The following CETP variants were observed in gnomAD, a reference collection of about 807,000 sequenced individuals.
CETP encodes BPI fold containing family F.
Under a neutral mutation model 66.5 loss-of-function variants are expected in CETP, and 56 were observed. That is an observed-to-expected ratio of 0.84 (90% confidence interval 0.68 to 1.05). The LOEUF (loss-of-function observed/expected upper bound fraction) is 1.05, where lower values mean the gene tolerates loss of function less well. Ranked by LOEUF, CETP falls within the 50% of genes least tolerant of loss-of-function variation. The pLI, the probability that CETP is intolerant of heterozygous loss-of-function variation, is 0.00. For missense variants in CETP, 612 were observed against 609.6 expected, an observed-to-expected ratio of 1.00 and a Z score of -0.04; for synonymous variants, 251 against 245.7, an observed-to-expected ratio of 1.02 and a Z score of -0.20.
intron 2 of CETP, among the ~76,000 whole-genome samples, chr16:56,968,741 T>G (rs1225267475): frequency 1.3e-5 from 2 of 151,950 alleles, no homozygotes; most frequent in African/African-American, 4.8e-5. Context: ...TTTTTTTTTT[T>G]TTTGCCAGTC....
chr16:56,962,228 G>A, intron 1 of CETP, 131 bp downstream of exon 1: 1 of 817,110 alleles, frequency 1.2e-6, no homozygotes, highest in East Asian at 2.4e-5. Context: ...GAGTGCCCTG[G>A]GAGGGAGATG....
At chr16:56,980,932 A>AG (rs1477157782) in intron 11 of CETP, among the ~76,000 whole-genome samples, 4 of 152,226 alleles carry the variant, frequency 2.6e-5, no homozygotes, top group Non-Finnish European at 5.9e-5. Context: ...AAACAAAAAA[A>AG]GAAAAGAAAA....
At chr16:56,974,999 G>C in intron 9 of CETP, 102 bp from the exon 10 acceptor site, 5 of 988,042 alleles carry the variant, frequency 5.1e-6, no homozygotes, top group Non-Finnish European at 8.2e-6. Context: ...TTGCGTCTGA[G>C]GAGGGGTCCA....
intron 9 of CETP, among the ~76,000 whole-genome samples, chr16:56,974,332 C>T (rs2056134758): frequency 6.6e-6 from 1 of 152,086 alleles, no homozygotes; most frequent in Non-Finnish European, 1.5e-5. Context: ...ACCTATAGTC[C>T]CAACTACTCA....
Position 56,981,820 on chromosome 16 carries a change from T to C in CETP, c.1248+140T>C, listed in dbSNP as rs991772657. On this transcript the variant is annotated intron_variant, in intron 13 of 15. Coordinates refer to ENST00000200676, the MANE Select transcript of CETP (RefSeq NM_000078.3). Reference sequence around the variant, plus strand: ...CAGGTGGTCCATGCTGTGTCTCTTGTGACCCTTCTTCTCCCTGCCATGTCT... The same window carrying C: ...CAGGTGGTCCATGCTGTGTCTCTTGCGACCCTTCTTCTCCCTGCCATGTCT... 21 of 828,688 alleles carry C rather than the reference T, an allele frequency of 2.5e-5. No homozygotes were observed. The African/African-American group carries it at 3.1e-4, about 12-fold the overall frequency. The allele number at this position is 828,688 out of a possible 1,614,324, so 51.3% of individuals were successfully genotyped here.
At chr16:56,963,871 G>A (rs1286135586) in intron 2 of CETP, among the ~76,000 whole-genome samples, 1 of 152,080 alleles carries the variant, frequency 6.6e-6, no homozygotes, top group African/African-American at 2.4e-5. Context: ...GTTTCATCAT[G>A]TTGGCCAGAC....
Position 56,969,546 on chromosome 16 carries a change from C to T in CETP, c.368+26C>T, listed in dbSNP as rs560845897. 38 of 1,614,246 alleles carry T rather than the reference C, an allele frequency of 2.4e-5. No homozygotes were observed. The South Asian group carries it at 4.0e-4, about 17-fold the overall frequency. ...GTAAGCATTCCTGTCAGCTGATGCC[C>T]CATGCCCTGGCCCTCTCTGGGCTGG... On this transcript the variant is annotated intron_variant, in intron 3 of 15. Coordinates refer to ENST00000200676, the MANE Select transcript of CETP (RefSeq NM_000078.3).
rs2056141390 is a variant in CETP at position 56,975,230 on chromosome 16, C to G, written c.981+79C>G. Reference sequence around the variant, plus strand: ...CTGGCTTCAAGAGCCCCCACACAGCCAATAACACCACCAATGGCAACAATT... The same window carrying G: ...CTGGCTTCAAGAGCCCCCACACAGCGAATAACACCACCAATGGCAACAATT... On this transcript the variant is annotated intron_variant, in intron 10 of 15. Transcript: ENST00000200676. 2.5e-6 allele frequency: 3 copies of G among 1,204,196 alleles called. No individual in the cohort carries two copies. In the South Asian group the frequency reaches 3.6e-5, roughly 15 times the overall value. The allele number at this position is 1,204,196 out of a possible 1,614,324, so 74.6% of individuals were successfully genotyped here. A position where few individuals can be genotyped will look rare whatever the true frequency, so the allele number is the denominator to read the frequency against.
chr16:56,963,269 T>C (rs2056038900), intron 2 of CETP, 145 bp downstream of exon 2: 2 of 687,672 alleles, frequency 2.9e-6, no homozygotes, highest in Non-Finnish European at 5.2e-6. Flanking sequence ...GCCTGACACC[T>C]TCCCTACCCC....
At chr16:56,978,362 C>T (rs1689648862) in intron 11 of CETP, 107 bp downstream of exon 11, 4 of 1,316,280 alleles carry the variant, frequency 3.0e-6, no homozygotes, top group Non-Finnish European at 4.3e-6. Flanking sequence ...CTTCTCACCA[C>T]CTCTGCTGGC....
intron 5 of CETP, among the ~76,000 whole-genome samples, chr16:56,970,560 G>C (rs1318788186): frequency 6.6e-6 from 1 of 152,174 alleles, no homozygotes; most frequent in Non-Finnish European, 1.5e-5. Flanking sequence ...TCCCAGGGTG[G>C]GGCTTTTTGT....
At chr16:56,972,806 C>T (rs141296072) in intron 8 of CETP, among the ~76,000 whole-genome samples, 1 of 152,350 alleles carries the variant, frequency 6.6e-6, no homozygotes, top group East Asian at 1.9e-4. Flanking sequence ...AGGGCGGACC[C>T]AGCCATCTTT....
intron 1 of CETP, 162 bp downstream of exon 1, chr16:56,962,259 A>T: frequency 1.3e-6 from 1 of 752,516 alleles, no homozygotes; most frequent in South Asian, 1.4e-5. Context: ...AGCTGTCATC[A>T]CCCCCTCCTG....
At chr16:56,968,979 A>G (rs2056087826) in intron 2 of CETP, among the ~76,000 whole-genome samples, 1 of 151,748 alleles carries the variant, frequency 6.6e-6, no homozygotes. Context: ...GCATTTCTAG[A>G]TATAAATCTC....
Position 56,975,167 on chromosome 16 carries a change from C to A in CETP, c.981+16C>A, listed in dbSNP as rs771897327. ...CTTCCAAGAGGTAACTGCCCCCTGC[C>A]CCTGTGTGGGGTTTATCTCACGTAC... On this transcript the variant is annotated intron_variant, in intron 10 of 15. Coordinates refer to ENST00000200676, the MANE Select transcript of CETP (RefSeq NM_000078.3). 6.2e-7 allele frequency: 1 copy of A among 1,613,448 alleles called. No individual in the cohort carries two copies. The highest frequency in any genetic ancestry group is 1.1e-5 in the South Asian group (1 of 91,070).
chr16:56,969,787 G>A, intron 4 of CETP, 106 bp downstream of exon 4: 1 of 1,547,964 alleles, frequency 6.5e-7, no homozygotes, highest in South Asian at 1.1e-5. Flanking sequence ...ACCAAAGGAG[G>A]CCCAGCCTGG....
chr16:56,962,029 C>T lies in CETP; in HGVS notation c.50C>T (p.Ala17Val). ...LTLALLGNAH[A>V]CSKGTSHEAG... is the part of the protein sequence containing the mutation. ...CTGGCCCTGCTGGGCAATGCCCATG[C>T]CTGCTCCAAAGGCACCTCGCACGAG... Residue 17 changes from alanine to valine, a missense_variant, in exon 1 of 16, where the codon GCC (alanine) becomes GTC (valine). By Grantham distance (64) the Ala-to-Val change is moderately conservative. Transcript: ENST00000200676. 6.2e-7 allele frequency: 1 copy of T among 1,614,134 alleles called. No individual in the cohort carries two copies. The highest frequency in any genetic ancestry group is 1.1e-5 in the South Asian group (1 of 91,086).
At chr16:56,973,928 C>T (rs1474400706) in intron 9 of CETP, among the ~76,000 whole-genome samples, 9 of 152,234 alleles carry the variant, frequency 5.9e-5, no homozygotes, top group Non-Finnish European at 1.2e-4. Flanking sequence ...CTGCATGCAC[C>T]GGTAATCAGA....
chr16:56,974,857 G>A lies in CETP; in HGVS notation c.931-244G>A, dbSNP rs552153476. ...GGAAACTGAGGCCCACAGAGGGGAAGAGACTTGTGCGAGGTCACACAGCAT... is the reference window on the plus strand; with the variant it reads ...GGAAACTGAGGCCCACAGAGGGGAAAAGACTTGTGCGAGGTCACACAGCAT... On this transcript the variant is annotated intron_variant, in intron 9 of 15. Coordinates refer to ENST00000200676, the MANE Select transcript of CETP (RefSeq NM_000078.3). Among the ~76,000 whole-genome samples the A allele has an allele frequency of 1.1e-4, 16 of 152,326 alleles. No individual in the cohort carries two copies. In the East Asian group the frequency reaches 2.1e-3, roughly 20 times the overall value.
Sources: gnomAD v4.1 joint callset for allele counts (sites outside exome capture counted in the v4.1 genomes callset) on GRCh38, gnomAD v4.1.1 for gene constraint, MANE v1.5 for transcripts, NCBI Gene and HGNC (gene_info 2026-07-23, HGNC 2026-07-21) for gene names.